Variants in KLF2 observed in about 807,000 individuals in gnomAD.
KLF2 encodes the protein Krueppel-like factor 2.
Under a neutral mutation model 22.2 loss-of-function variants are expected in KLF2, and 9 were observed. The ratio of observed to expected loss-of-function variants is 0.40; its 90% confidence interval spans 0.24 to 0.71. KLF2 has a LOEUF of 0.71. KLF2 is among the 30% of genes least tolerant of loss of function. The probability of loss-of-function intolerance (pLI) is 0.35; values close to 1 mark genes in which losing one functional copy is unlikely to be tolerated. For missense variants in KLF2, 481 were observed against 542.1 expected, an observed-to-expected ratio of 0.89 and a Z score of 1.12; for synonymous variants, 299 against 264.2, an observed-to-expected ratio of 1.13 and a Z score of -1.28.
chr19:16,326,043 C>A lies in KLF2; in HGVS notation c.892+11C>A. On this transcript the variant is annotated intron_variant, in intron 2 of 2. Coordinates refer to ENST00000248071, the MANE Select transcript of KLF2 (RefSeq NM_016270.4). ...TGCGCACGCACACAGGTGGGCGGCA[C>A]GCACGAGCCAGGAGCGCAGGCGGGG... is the stretch of plus-strand genomic sequence containing the variant. 1.3e-6 allele frequency: 2 copies of A among 1,539,618 alleles called. No individual in the cohort carries two copies. Among genetic ancestry groups the A allele is most frequent in the Non-Finnish European group, 8.7e-7 (1 of 1,143,660 alleles).
chr19:16,324,886 G>C lies in KLF2; in HGVS notation c.-38G>C. On this transcript the variant is annotated 5_prime_UTR_variant, in exon 1 of 3. Transcript: ENST00000248071. ...CCCGGCCTCGGGCAGCCACTCACCG[G>C]TGTCCCCGTCCGCGTCCTTTCTCCC... is the stretch of plus-strand genomic sequence containing the variant. 1 of 1,551,866 alleles carries C rather than the reference G, an allele frequency of 6.4e-7. No homozygotes were observed. The highest frequency in any genetic ancestry group is 8.8e-7 in the Non-Finnish European group (1 of 1,140,848).
chr19:16,325,018 C>A lies in KLF2; in HGVS notation c.75+20C>A. On this transcript the variant is annotated intron_variant, in intron 1 of 2. Coordinates refer to ENST00000248071, the MANE Select transcript of KLF2 (RefSeq NM_016270.4). ...CAGGAGGTGAGGGCGGCGGGGACGG[C>A]GGGGCGGCCGGGACCGTGGGCGGCG... The A allele has an allele frequency of 1.9e-6, 3 of 1,552,586 alleles. No individual in the cohort carries two copies. Among genetic ancestry groups the A allele is most frequent in the Non-Finnish European group, 2.6e-6 (3 of 1,149,598 alleles).
chr19:16,325,034 G>C, intron 1 of KLF2, 36 bp downstream of exon 1: 1 of 1,520,418 alleles, frequency 6.6e-7, no homozygotes, highest in Non-Finnish European at 8.9e-7. Context: ...GGCCGGGACC[G>C]TGGGCGGCGG....
rs1387665480 is a variant in KLF2 at position 16,325,810 on chromosome 19, G to A, written c.670G>A (p.Asp224Asn). ...PAPPAFGLFD[D>N]AAAAAAALGL... Reference sequence around the variant, plus strand: ...GCCCCCAGCCTTCGGTCTCTTCGACGACGCGGCCGCCGCCGCGGCAGCCCT... The same window carrying A: ...GCCCCCAGCCTTCGGTCTCTTCGACAACGCGGCCGCCGCCGCGGCAGCCCT... Residue 224 changes from aspartate to asparagine, a missense_variant, in exon 2 of 3, where the codon GAC becomes AAC. Around this residue, in one of 2 missense-constraint regions of KLF2, gnomAD observed 421 missense variants for 435.1 expected, o/e 0.97. Transcript: ENST00000248071. 2 of 1,349,108 alleles carry A rather than the reference G, an allele frequency of 1.5e-6. No individual in the cohort carries two copies. The highest frequency in any genetic ancestry group is 1.8e-5 in the South Asian group (1 of 54,784). The allele number at this position is 1,349,108 out of a possible 1,614,324, so 83.6% of individuals were successfully genotyped here.
intron 2 of KLF2, 58 bp from the exon 3 acceptor site, chr19:16,326,798 C>A: frequency 6.5e-7 from 1 of 1,541,176 alleles, no homozygotes; most frequent in East Asian, 2.3e-5. Context: ...GCCGGGGTAG[C>A]CATACGTGCC....
At chr19:16,325,036 G>GGGC (rs1453858439) in intron 1 of KLF2, 38 bp downstream of exon 1, 4 of 1,519,338 alleles carry the variant, frequency 2.6e-6, no homozygotes, top group African/African-American at 1.4e-5. Context: ...CCGGGACCGT[G>GGGC]GGCGGCGGGC....
In KLF2 at chr19:16,325,034, G is replaced by A. The variant is rs1170275472; in HGVS notation, c.75+36G>A. 5 of 1,520,402 alleles carry A rather than the reference G, an allele frequency of 3.3e-6. No individual in the cohort carries two copies. In the African/African-American group the frequency reaches 4.2e-5, roughly 13 times the overall value. 94.2% of individuals were successfully genotyped at this position (1,520,402 alleles called of 1,614,324 possible). Reference sequence around the variant, plus strand: ...CGGGGACGGCGGGGCGGCCGGGACCGTGGGCGGCGGGCTCGGGGTAGTAGA... The same window carrying A: ...CGGGGACGGCGGGGCGGCCGGGACCATGGGCGGCGGGCTCGGGGTAGTAGA... On this transcript the variant is annotated intron_variant, in intron 1 of 2. Coordinates refer to ENST00000248071, the MANE Select transcript of KLF2 (RefSeq NM_016270.4).
intron 2 of KLF2, 134 bp downstream of exon 2, chr19:16,326,166 C>T (rs2091889500): frequency 3.6e-6 from 3 of 842,038 alleles, no homozygotes. Flanking sequence ...AGGTGGTGCA[C>T]GCTTAGGACT....
Position 16,327,089 on chromosome 19 carries a change from GC to G in KLF2, c.*63del. 1 of 1,447,434 alleles carries G rather than the reference GC, an allele frequency of 6.9e-7. No individual in the cohort carries two copies. The highest frequency in any genetic ancestry group is 2.5e-5 in the Admixed American group (1 of 39,792). 89.7% of individuals were successfully genotyped at this position (1,447,434 alleles called of 1,614,324 possible). A position where few individuals can be genotyped will look rare whatever the true frequency, so the allele number is the denominator to read the frequency against. ...TGGCGGGTCCCACGCGCCGGGCGCG[GC>G]CCCCTCCCAAACTGTGACTGGTATT... is the stretch of plus-strand genomic sequence containing the variant. On this transcript the variant is annotated 3_prime_UTR_variant, in exon 3 of 3. Coordinates refer to ENST00000248071, the MANE Select transcript of KLF2 (RefSeq NM_016270.4).
In KLF2 at chr19:16,325,293, G is replaced by A. The variant is rs762685036; in HGVS notation, c.153G>A (p.Met51Ile). Residue 51 changes from methionine to isoleucine, a missense_variant, in exon 2 of 3, where the codon ATG becomes ATA. By Grantham distance (10) the Met-to-Ile change is conservative. Around this residue, in one of 2 missense-constraint regions of KLF2, gnomAD observed 421 missense variants for 435.1 expected, o/e 0.97. Transcript: ENST00000248071. ...LNSVLDFILSMGLDGLGAEAA... is the reference protein window; with the variant it reads ...LNSVLDFILSIGLDGLGAEAA... ...GCGTGCTGGACTTCATCCTGTCCAT[G>A]GGGCTGGATGGCCTGGGCGCCGAGG... is the stretch of plus-strand genomic sequence containing the variant. The A allele has an allele frequency of 1.3e-6, 2 of 1,512,002 alleles. No individual in the cohort carries two copies. The highest frequency in any genetic ancestry group is 2.8e-5 in the East Asian group (1 of 35,994). The allele number at this position is 1,512,002 out of a possible 1,614,324, so 93.7% of individuals were successfully genotyped here.
chr19:16,326,749 G>C, intron 2 of KLF2, 107 bp from the exon 3 acceptor site: 1 of 1,109,098 alleles, frequency 9.0e-7, no homozygotes, highest in East Asian at 2.5e-5. Flanking sequence ...ACTACCGCGG[G>C]GAGCGCGTCA....
At chr19:16,326,145 G>C in intron 2 of KLF2, 113 bp downstream of exon 2, 1 of 1,092,030 alleles carries the variant, frequency 9.2e-7, no homozygotes, top group Non-Finnish European at 1.3e-6. Context: ...CGTGGCTCAG[G>C]GGGATCTGGC....
chr19:16,325,180 G>T, intron 1 of KLF2, 36 bp from the exon 2 acceptor site: 1 of 1,440,798 alleles, frequency 6.9e-7, no homozygotes. Flanking sequence ...CCCGAGCCCC[G>T]CCGCCCGCTC....
chr19:16,326,785 C>T (rs973113526), intron 2 of KLF2, 71 bp from the exon 3 acceptor site: 5 of 1,501,018 alleles, frequency 3.3e-6, no homozygotes, highest in Non-Finnish European at 4.5e-6. Context: ...ATAGGTTGCG[C>T]TCGCCGGGGT....
In KLF2 at chr19:16,326,030, C is replaced by T; in HGVS notation, c.890C>T (p.Thr297Ile). Residue 297 changes from threonine to isoleucine, a missense_variant and splice_region_variant, in exon 2 of 3, where the codon ACA (threonine) becomes ATA (isoleucine). Coordinates refer to ENST00000248071, the MANE Select transcript of KLF2 (RefSeq NM_016270.4). The stretch of plus-strand genomic sequence containing the variant: ...CTGAAGGCGCATCTGCGCACGCACA[C>T]AGGTGGGCGGCACGCACGAGCCAGG... ...SHLKAHLRTHTGEKPYHCNWD... is the reference protein window; with the variant it reads ...SHLKAHLRTHIGEKPYHCNWD... 1 of 1,547,142 alleles carries T rather than the reference C, an allele frequency of 6.5e-7. No homozygotes were observed. Among genetic ancestry groups the T allele is most frequent in the Non-Finnish European group, 8.7e-7 (1 of 1,147,122 alleles).
At chr19:16,325,186 C>T in intron 1 of KLF2, 30 bp from the exon 2 acceptor site, 5 of 1,459,842 alleles carry the variant, frequency 3.4e-6, no homozygotes, top group Non-Finnish European at 2.7e-6. Context: ...CCCCGCCGCC[C>T]GCTCACGCCC....
In KLF2 at chr19:16,325,400, C is replaced by T. The variant is rs1235516608; in HGVS notation, c.260C>T (p.Pro87Leu). 5 of 1,424,080 alleles carry T rather than the reference C, an allele frequency of 3.5e-6. No individual in the cohort carries two copies. Among genetic ancestry groups the T allele is most frequent in the Non-Finnish European group, 3.6e-6 (4 of 1,100,690 alleles). The allele number at this position is 1,424,080 out of a possible 1,614,324, so 88.2% of individuals were successfully genotyped here. A position where few individuals can be genotyped will look rare whatever the true frequency, so the allele number is the denominator to read the frequency against. Reference sequence around the variant, plus strand: ...GGCGCGCCCCCGCCCTACAGCGCCCCCGCGGGTGGCCTGGTGTCTGAGCTG... The same window carrying T: ...GGCGCGCCCCCGCCCTACAGCGCCCTCGCGGGTGGCCTGGTGTCTGAGCTG... ...EPGAPPPYSA[P>L]AGGLVSELLR... The change falls in exon 2 of 3, where the codon CCC becomes CTC. Residue 87 changes from proline to leucine, a missense_variant. Coordinates refer to ENST00000248071, the MANE Select transcript of KLF2 (RefSeq NM_016270.4).
At chr19:16,326,320 C>T (rs146157612) in intron 2 of KLF2, among the ~76,000 whole-genome samples, 28 of 151,428 alleles carry the variant, frequency 1.8e-4, no homozygotes, top group African/African-American at 6.8e-4. Flanking sequence ...ACTTAGAAAA[C>T]CTCCTGGAGG....
intron 2 of KLF2, 47 bp downstream of exon 2, chr19:16,326,079 G>A (rs1175133160): frequency 3.3e-6 from 5 of 1,506,834 alleles, no homozygotes; most frequent in East Asian, 2.6e-5. Flanking sequence ...GGACGCGGGA[G>A]GAGAGGTCGG....
Sources: gnomAD v4.1 joint callset for allele counts (sites outside exome capture counted in the v4.1 genomes callset) on GRCh38, gnomAD v4.1.1 for gene constraint, gnomAD v4.1.1 regional missense constraint, MANE v1.5 for transcripts, NCBI Gene and HGNC (gene_info 2026-07-23, HGNC 2026-07-21) for gene names.